NDST3: variants seen among roughly 807,000 people sequenced by gnomAD.
NDST3 encodes the protein bifunctional heparan sulfate N-deacetylase/N-sulfotransferase 3.
Under a neutral mutation model 96.1 loss-of-function variants are expected in NDST3, and 58 were observed. The ratio of observed to expected loss-of-function variants is 0.60; its 90% confidence interval spans 0.49 to 0.75. NDST3 has a LOEUF of 0.75. Ranked by LOEUF, NDST3 falls within the 30% of genes least tolerant of loss-of-function variation. The pLI, the probability that NDST3 is intolerant of heterozygous loss-of-function variation, is 0.00. For synonymous variants in NDST3, 333 were observed against 359.7 expected, an observed-to-expected ratio of 0.93 and a Z score of 0.84; for missense variants, 788 against 1,034.2, an observed-to-expected ratio of 0.76 and a Z score of 3.27.
At chr4:118,142,977 G>A (rs1733676286) in intron 5 of NDST3, among the ~76,000 whole-genome samples, 1 of 152,044 alleles carries the variant, frequency 6.6e-6, no homozygotes, top group Admixed American at 6.5e-5. Context: ...GAACTGGCAG[G>A]CTTCACACTT....
intron 2 of NDST3, among the ~76,000 whole-genome samples, chr4:118,072,488 C>G (rs759813995): frequency 1.4e-4 from 21 of 152,090 alleles, no homozygotes; most frequent in Non-Finnish European, 2.5e-4. Flanking sequence ...TTGTGAATGG[C>G]TATTGTGAAT....
rs371722940 is a variant in NDST3, at chr4:118,053,953, G to A, written c.43G>A (p.Val15Ile). ...MKLHRHFQRT[V>I]ILLATFCMVS... ...GCTTCACAGACACTTTCAAAGAACA[G>A]TCATTCTGCTTGCCACTTTTTGTAT... The change falls in exon 2 of 14, where the codon GTC becomes ATC. Residue 15 changes from valine to isoleucine, a missense_variant. This residue lies in a region of NDST3 where 234 missense variants were observed against 256.9 expected (regional missense o/e 0.91). Transcript: ENST00000296499. 1.7e-5 allele frequency: 27 copies of A among 1,611,482 alleles called. No individual in the cohort carries two copies. In the African/African-American group the frequency reaches 2.5e-4, roughly 15 times the overall value.
At chr4:118,161,987 C>T (rs532773585) in intron 6 of NDST3, among the ~76,000 whole-genome samples, 226 of 152,190 alleles carry the variant, frequency 1.5e-3, no homozygotes, top group African/African-American at 5.2e-3. Flanking sequence ...AGCTGTAGAC[C>T]GGAGCTGTTC....
rs1318008193 is a variant in NDST3 at position 118,233,056 on chromosome 4, C to A, written c.1864C>A (p.Leu622Ile). 1 of 1,612,760 alleles carries A rather than the reference C, an allele frequency of 6.2e-7. No individual in the cohort carries two copies. The highest frequency in any genetic ancestry group is 8.5e-7 in the Non-Finnish European group (1 of 1,179,044). The change falls in exon 9 of 14, where the codon CTT becomes ATT. Residue 622 changes from leucine to isoleucine, a missense_variant. By Grantham distance (5) the Leu-to-Ile change is conservative (BLOSUM62 2). This residue lies in a region of NDST3 where 490 missense variants were observed against 708.8 expected (regional missense o/e 0.69). Coordinates refer to ENST00000296499, the MANE Select transcript of NDST3 (RefSeq NM_004784.3). ...GTTCCTGGTTATGCATCCTTCCATC[C>A]TTAGTAACTCCCCCAGCCCAAAAAC... Reference protein sequence around the residue: ...YLFLVMHPSILSNSPSPKTFE... With the variant: ...YLFLVMHPSIISNSPSPKTFE...
At chr4:118,203,648 T>A (rs1738243845) in intron 6 of NDST3, among the ~76,000 whole-genome samples, 1 of 152,244 alleles carries the variant, frequency 6.6e-6, no homozygotes, top group African/African-American at 2.4e-5. Flanking sequence ...CAGTGTTGTT[T>A]CTTTGGAATG....
At chr4:118,059,779 C>A (rs1454196819) in intron 2 of NDST3, among the ~76,000 whole-genome samples, 4 of 152,128 alleles carry the variant, frequency 2.6e-5, no homozygotes. Context: ...GCAAAAATTT[C>A]TCCAGACAGT....
intron 5 of NDST3, among the ~76,000 whole-genome samples, chr4:118,139,661 T>A (rs1303073808): frequency 6.6e-6 from 1 of 152,158 alleles, no homozygotes; most frequent in Admixed American, 6.5e-5. Flanking sequence ...GCAACTTTTT[T>A]CTGATGATCC....
chr4:118,241,961 G>T (rs1247379384), intron 11 of NDST3, 79 bp from the exon 12 acceptor site: 2 of 947,056 alleles, frequency 2.1e-6, no homozygotes, highest in African/African-American at 1.6e-5. Flanking sequence ...CTCACTGAAT[G>T]AGTTTAGAAT....
intron 2 of NDST3, among the ~76,000 whole-genome samples, chr4:118,102,609 C>G (rs937085468): frequency 6.6e-6 from 1 of 151,942 alleles, no homozygotes; most frequent in Non-Finnish European, 1.5e-5. Flanking sequence ...TAAAATCATT[C>G]TAGTAATGAA....
At chr4:118,068,049 C>T (rs1726740023) in intron 2 of NDST3, among the ~76,000 whole-genome samples, 1 of 151,754 alleles carries the variant, frequency 6.6e-6, no homozygotes, top group African/African-American at 2.4e-5. Flanking sequence ...CATCAGCAGA[C>T]TTCAGATTGT....
At chr4:118,051,714 T>C (rs950468704) in intron 1 of NDST3, among the ~76,000 whole-genome samples, 2 of 151,934 alleles carry the variant, frequency 1.3e-5, no homozygotes, top group African/African-American at 4.8e-5. Flanking sequence ...ACCTAGAAAA[T>C]GCTAAATATC....
At chr4:118,046,350 T>A (rs1190079918) in intron 1 of NDST3, among the ~76,000 whole-genome samples, 1 of 152,340 alleles carries the variant, frequency 6.6e-6, no homozygotes, top group East Asian at 1.9e-4. Context: ...CCTTTGTACA[T>A]GGTGCAGCTC....
intron 4 of NDST3, among the ~76,000 whole-genome samples, chr4:118,124,985 T>C (rs918183033): frequency 3.9e-5 from 6 of 152,032 alleles, no homozygotes; most frequent in African/African-American, 1.4e-4. Context: ...AAACCTCAAG[T>C]TCCAGATTTT....
intron 4 of NDST3, among the ~76,000 whole-genome samples, chr4:118,120,935 T>C (rs554477280): frequency 1.3e-5 from 2 of 152,330 alleles, no homozygotes; most frequent in South Asian, 4.1e-4. Context: ...ATTACATTTT[T>C]ACACCATCAT....
chr4:118,066,182 A>ATATAT (rs1423200084), intron 2 of NDST3, among the ~76,000 whole-genome samples: 17 of 22,166 alleles, frequency 7.7e-4, no homozygotes, highest in African/African-American at 1.6e-3. Context: ...TTTATATATT[A>ATATAT]TATATCTTAT....
chr4:118,191,214 G>C (rs1737278295), intron 6 of NDST3, among the ~76,000 whole-genome samples: 1 of 152,212 alleles, frequency 6.6e-6, no homozygotes, highest in African/African-American at 2.4e-5. Context: ...CAAGGGGAAA[G>C]TGGTGTAAGT....
At chr4:118,228,204 A>G (rs2125997051) in intron 8 of NDST3, among the ~76,000 whole-genome samples, 1 of 152,378 alleles carries the variant, frequency 6.6e-6, no homozygotes, top group South Asian at 2.1e-4. Context: ...AATAATAAAC[A>G]TGACAAATAC....
At chr4:118,189,764 T>A (rs982704353) in intron 6 of NDST3, among the ~76,000 whole-genome samples, 1 of 152,204 alleles carries the variant, frequency 6.6e-6, no homozygotes, top group African/African-American at 2.4e-5. Context: ...AAAGATATTT[T>A]ACTGTCATTT....
In NDST3 at chr4:118,255,691, G is replaced by A. The variant is rs750885592; in HGVS notation, c.2601G>A (p.Gln867=). ...AGCCTCTGCCATCCTGGCTGAGACA[G>A]GAGCTGCAGAAAGTAAGATAGCACT... ...LGQPLPSWLR[Q]ELQKVR The change falls in exon 14 of 14, where the codon CAG becomes CAA. Residue 867 remains glutamine (Q), a synonymous_variant. Coordinates refer to ENST00000296499, the MANE Select transcript of NDST3 (RefSeq NM_004784.3). 1.1e-5 allele frequency: 18 copies of A among 1,613,002 alleles called. No homozygotes were observed. Among genetic ancestry groups the A allele is most frequent in the Admixed American group, 1.7e-5 (1 of 59,908 alleles).
Sources: allele counts gnomAD v4.1 joint callset (sites outside exome capture counted in the v4.1 genomes callset), GRCh38; gene constraint gnomAD v4.1.1; regional missense constraint gnomAD v4.1.1; transcripts MANE v1.5; gene names NCBI Gene and HGNC (gene_info 2026-07-23, HGNC 2026-07-21).